RANBP2: variants seen among roughly 807,000 people sequenced by gnomAD.
The protein encoded by RANBP2 is RAN binding protein 2, also known as E3 SUMO-protein ligase RanBP2.
In RANBP2, 57 loss-of-function variants were observed where a neutral mutation model predicts 303.6. The observed-to-expected ratio is 0.19, with a 90% confidence interval of 0.15 to 0.23. The LOEUF (loss-of-function observed/expected upper bound fraction) is 0.23. Among genes scored for constraint, RANBP2 ranks in the 10% least tolerant of loss-of-function variants. RANBP2 has a pLI of 1.00. For synonymous variants in RANBP2, 1,167 were observed against 1,301.5 expected, an observed-to-expected ratio of 0.90 and a Z score of 2.23; for missense variants, 3,138 against 3,780.8, an observed-to-expected ratio of 0.83 and a Z score of 4.46.
At chr2:109,364,135 G>A in the RANBP2 span, among the ~76,000 whole-genome samples, 1 of 148,932 alleles carries the variant, frequency 6.7e-6, no homozygotes, top group South Asian at 2.1e-4. Flanking sequence ...AAGTTGTCCT[G>A]CAGTTCTTGG....
the RANBP2 span, among the ~76,000 whole-genome samples, chr2:109,560,265 T>C: frequency 2.0e-5 from 3 of 152,134 alleles, no homozygotes; most frequent in Non-Finnish European, 1.5e-5. Context: ...TCTTCATTAT[T>C]CTCCAAGAAT....
chr2:109,706,292 G>A, the RANBP2 span, among the ~76,000 whole-genome samples: 1 of 152,188 alleles, frequency 6.6e-6, no homozygotes, highest in African/African-American at 2.4e-5. Flanking sequence ...AAGTCTTATC[G>A]GGAAAGAAGT....
the RANBP2 span, among the ~76,000 whole-genome samples, chr2:109,381,876 G>A: frequency 6.6e-6 from 1 of 152,022 alleles, no homozygotes; most frequent in Non-Finnish European, 1.5e-5. Context: ...GTTTATAAGG[G>A]GAGCTGAGTG....
chr2:109,161,304 G>A, the RANBP2 span, among the ~76,000 whole-genome samples: 1,217 of 152,218 alleles, frequency 8.0e-3, 12 homozygotes, highest in East Asian at 0.04. Context: ...GAGTGTGTAG[G>A]AAGACAAGGT....
At chr2:109,415,855 C>T in the RANBP2 span, among the ~76,000 whole-genome samples, 2 of 152,162 alleles carry the variant, frequency 1.3e-5, no homozygotes, top group Admixed American at 6.5e-5. Context: ...AAATTTAATC[C>T]CCCAGGCGCA....
At chr2:109,193,624 C>T in the RANBP2 span, among the ~76,000 whole-genome samples, 1 of 152,104 alleles carries the variant, frequency 6.6e-6, no homozygotes, top group Admixed American at 6.6e-5. Flanking sequence ...TATGGATGCA[C>T]CACATTTCTT....
chr2:108,783,883 A>C lies in RANBP2; in HGVS notation c.9657A>C (p.Thr3219=). ...KGSVCRRITI[T]ECGQI ...CTGTTTGTCGAAGAATAACTATCAC[A>C]GAATGTGGACAGATATAAAATCATT... The change falls in exon 29 of 29, where the codon ACA becomes ACC. Residue 3219 remains threonine, a synonymous_variant. Transcript: ENST00000283195. 6.2e-7 allele frequency: 1 copy of C among 1,611,792 alleles called. No individual in the cohort carries two copies. The highest frequency in any genetic ancestry group is 1.1e-5 in the South Asian group (1 of 91,012).
At chr2:109,440,882 G>A in the RANBP2 span, among the ~76,000 whole-genome samples, 1 of 152,114 alleles carries the variant, frequency 6.6e-6, no homozygotes, top group Non-Finnish European at 1.5e-5. Flanking sequence ...AAGAAAGAAA[G>A]GATTAGTGCT....
At chr2:108,782,991 T>C in intron 28 of RANBP2, 129 bp downstream of exon 28, 1 of 815,188 alleles carries the variant, frequency 1.2e-6, no homozygotes, top group Non-Finnish European at 2.0e-6. Flanking sequence ...TTTCCACACA[T>C]GGAATCACAT....
At chr2:108,843,705 A>G in the RANBP2 span, among the ~76,000 whole-genome samples, 2 of 151,734 alleles carry the variant, frequency 1.3e-5, no homozygotes, top group African/African-American at 4.8e-5. Context: ...TTTAGTTTTT[A>G]TAAGTTTGAC....
chr2:108,721,950 C>T (rs894399206), intron 1 of RANBP2, among the ~76,000 whole-genome samples: 13 of 151,712 alleles, frequency 8.6e-5, no homozygotes, highest in African/African-American at 3.2e-4. Flanking sequence ...GTTACCCAGG[C>T]TGGTCTCCAA....
At chr2:109,549,587 G>A in the RANBP2 span, among the ~76,000 whole-genome samples, 1 of 152,064 alleles carries the variant, frequency 6.6e-6, no homozygotes, top group African/African-American at 2.4e-5. Flanking sequence ...TTAAAAACAA[G>A]GGATCTTTTG....
At chr2:109,368,097 C>T in the RANBP2 span, among the ~76,000 whole-genome samples, 1 of 152,178 alleles carries the variant, frequency 6.6e-6, no homozygotes, top group Non-Finnish European at 1.5e-5. Context: ...TGTTTTTCTT[C>T]TTTCATGAGT....
chr2:109,354,763 G>A, the RANBP2 span, among the ~76,000 whole-genome samples: 2 of 152,230 alleles, frequency 1.3e-5, no homozygotes. Context: ...TCACAAAGGC[G>A]CATCTGTGTC....
chr2:109,575,134 TG>T, the RANBP2 span, among the ~76,000 whole-genome samples: 2 of 152,244 alleles, frequency 1.3e-5, no homozygotes, highest in East Asian at 3.8e-4. Context: ...GAAATGGTAT[TG>T]AATTTACACT....
the RANBP2 span, among the ~76,000 whole-genome samples, chr2:109,368,720 A>AAAG: frequency 6.0e-5 from 9 of 149,762 alleles, no homozygotes; most frequent in African/African-American, 9.9e-5. Flanking sequence ...AAAAAAAAAA[A>AAAG]AAAGAAAAAG....
At chr2:109,399,238 G>A in the RANBP2 span, among the ~76,000 whole-genome samples, 4 of 152,292 alleles carry the variant, frequency 2.6e-5, no homozygotes, top group African/African-American at 7.2e-5. Flanking sequence ...GCTTTTCCCC[G>A]TGTCAGTCGG....
chr2:109,716,240 AT>A, the RANBP2 span, among the ~76,000 whole-genome samples: 10 of 151,604 alleles, frequency 6.6e-5, no homozygotes, highest in East Asian at 9.7e-4. Context: ...TTATTATTTT[AT>A]TTTTTTTAAA....
At chr2:109,318,576 T>C in the RANBP2 span, among the ~76,000 whole-genome samples, 1 of 152,222 alleles carries the variant, frequency 6.6e-6, no homozygotes, top group South Asian at 2.1e-4. Flanking sequence ...TTCAAAGTCA[T>C]GTGAGTAGAG....
Sources: allele counts gnomAD v4.1 joint callset (sites outside exome capture counted in the v4.1 genomes callset), GRCh38; gene constraint gnomAD v4.1.1; transcripts MANE v1.5; gene names NCBI Gene and HGNC (gene_info 2026-07-23, HGNC 2026-07-21).